Variants in NAV2 observed in about 807,000 individuals in gnomAD.
The protein encoded by NAV2 is neuron navigator 2.
NAV2 carries 54 observed loss-of-function variants against 223.2 expected under a neutral mutation model. That is an observed-to-expected ratio of 0.24 (90% confidence interval 0.19 to 0.30). The LOEUF (loss-of-function observed/expected upper bound fraction) is 0.30. Ranked by LOEUF, NAV2 falls within the 10% of genes least tolerant of loss-of-function variation. NAV2 has a pLI of 1.00. For missense variants in NAV2, 2,806 were observed against 3,147.5 expected (o/e 0.89, Z 2.60); for synonymous variants, 1,279 against 1,239.3 (o/e 1.03, Z -0.67).
At chr11:19,795,380 T>C (rs2152744751) in intron 1 of NAV2, among the ~76,000 whole-genome samples, 1 of 152,346 alleles carries the variant, frequency 6.6e-6, no homozygotes, top group South Asian at 2.1e-4. Context: ...ACCACTTATG[T>C]CCCTTATTTA....
At chr11:19,895,458 G>A (rs1019971860) in intron 6 of NAV2, among the ~76,000 whole-genome samples, 1 of 152,180 alleles carries the variant, frequency 6.6e-6, no homozygotes, top group Admixed American at 6.5e-5. Context: ...CAGAGAGAAT[G>A]AGATTAATAG....
chr11:20,022,504 G>T (rs1281787577), intron 11 of NAV2: 1 of 978,172 alleles, frequency 1.0e-6, no homozygotes, highest in Non-Finnish European at 1.2e-6. Flanking sequence ...GTTGTTAACT[G>T]TACAAACAGG....
At chr11:19,582,353 G>T (rs1265748565) in intron 1 of NAV2, among the ~76,000 whole-genome samples, 1 of 152,146 alleles carries the variant, frequency 6.6e-6, no homozygotes, top group Non-Finnish European at 1.5e-5. Context: ...TTGCTGTGCA[G>T]AAGCTCTTTA....
intron 3 of NAV2, among the ~76,000 whole-genome samples, chr11:19,860,520 G>A (rs2061697212): frequency 6.6e-6 from 1 of 151,240 alleles, no homozygotes; most frequent in South Asian, 2.1e-4. Flanking sequence ...GATGGCGGCT[G>A]GGCAGAGACG....
intron 34 of NAV2, chr11:20,104,177 C>G (rs1240116665): frequency 5.4e-6 from 1 of 185,566 alleles, no homozygotes; most frequent in South Asian, 1.1e-4. Context: ...CGAGTCCCAG[C>G]TGCTGTGACT....
At chr11:19,943,068 G>C (rs1427717695) in intron 8 of NAV2, among the ~76,000 whole-genome samples, 1 of 152,162 alleles carries the variant, frequency 6.6e-6, no homozygotes, top group Non-Finnish European at 1.5e-5. Context: ...AGTAAATATG[G>C]CTATTATATT....
intron 22 of NAV2, among the ~76,000 whole-genome samples, chr11:20,070,930 G>A (rs951496678): frequency 2.0e-5 from 3 of 152,038 alleles, no homozygotes; most frequent in African/African-American, 7.2e-5. Flanking sequence ...CTTCTCAATA[G>A]CAGTCTTCAT....
intron 27 of NAV2, 65 bp from the exon 28 acceptor site, chr11:20,092,141 C>A: frequency 6.6e-7 from 1 of 1,525,398 alleles, no homozygotes; most frequent in Non-Finnish European, 9.0e-7. Flanking sequence ...CAGATCCTTC[C>A]TTCAGAAAAA....
chr11:19,636,723 G>A (rs991761129), intron 1 of NAV2, among the ~76,000 whole-genome samples: 15 of 152,128 alleles, frequency 9.9e-5, no homozygotes, highest in African/African-American at 3.6e-4. Flanking sequence ...ACCCGCCTCG[G>A]CCTCCCACAG....
chr11:19,766,510 C>T (rs912598246), intron 1 of NAV2, among the ~76,000 whole-genome samples: 1 of 152,214 alleles, frequency 6.6e-6, no homozygotes, highest in African/African-American at 2.4e-5. Context: ...AGTGAAGTAG[C>T]TCTCAGAGCC....
At chr11:19,935,315 G>A (rs564133801) in intron 7 of NAV2, among the ~76,000 whole-genome samples, 3 of 152,194 alleles carry the variant, frequency 2.0e-5, no homozygotes, top group African/African-American at 4.8e-5. Flanking sequence ...TGTAACTCAA[G>A]TGCATACAGA....
At chr11:19,349,525 C>CA (rs1853178873), upstream of NAV2, among the ~76,000 whole-genome samples, 3 of 152,178 alleles carry the variant, frequency 2.0e-5, no homozygotes, top group Admixed American at 6.5e-5. Context: ...GCGGCCGGAT[C>CA]TGGCCGCAGC....
chr11:19,351,757 A>T (rs938333261), intron 1 of NAV2, among the ~76,000 whole-genome samples: 87 of 134,838 alleles, frequency 6.5e-4, no homozygotes, highest in African/African-American at 2.4e-3. Context: ...ATTTTTGTTG[A>T]ACTGAAAATA....
At chr11:19,449,479 G>A (rs1219173867) in intron 1 of NAV2, among the ~76,000 whole-genome samples, 1 of 151,970 alleles carries the variant, frequency 6.6e-6, no homozygotes, top group Non-Finnish European at 1.5e-5. Context: ...CCCACAGGGA[G>A]GGCTGCTGTG....
rs577112968 is a variant in NAV2 at position 20,042,169 on chromosome 11, T to C, written c.2908-1812T>C. Among the ~76,000 whole-genome samples, 11 of 152,312 alleles carry C rather than the reference T, an allele frequency of 7.2e-5. No homozygotes were observed. In the East Asian group the frequency reaches 1.7e-3, roughly 24 times the overall value. On this transcript the variant is annotated intron_variant, in intron 12 of 37. Coordinates refer to ENST00000349880, the MANE Select transcript of NAV2 (RefSeq NM_145117.5). ...GAGGAAGGAAACTGACCTGAGGTAG[T>C]TGGGACAAAGAATGGGCAACTTTAG...
At chr11:19,995,375 A>T (rs2153473724) in intron 11 of NAV2, among the ~76,000 whole-genome samples, 1 of 152,338 alleles carries the variant, frequency 6.6e-6, no homozygotes, top group African/African-American at 2.4e-5. Context: ...TTCTTGCCCA[A>T]GGCCCTTCAT....
At position 19,795,464 on chromosome 11, in the gene NAV2, A is replaced by T. The variant is rs80292423; in HGVS notation, c.268-37020A>T. The stretch of plus-strand genomic sequence containing the variant: ...AGGAAACAAAATATTCTAATGGTAA[A>T]TGCAAAAGCAATATTGGGCAAAATA... On this transcript the variant is annotated intron_variant, in intron 1 of 37. Coordinates refer to ENST00000349880, the MANE Select transcript of NAV2 (RefSeq NM_145117.5). Among the ~76,000 whole-genome samples the T allele has an allele frequency of 9.8e-3, 1,491 of 152,376 alleles. 27 individuals carry two copies. The highest frequency in any genetic ancestry group is 0.034 in the African/African-American group (1,429 of 41,592).
At chr11:19,696,486 A>G (rs1032787933) in intron 1 of NAV2, among the ~76,000 whole-genome samples, 10 of 152,216 alleles carry the variant, frequency 6.6e-5, no homozygotes, top group Non-Finnish European at 1.0e-4. Flanking sequence ...CTAGTTTTCC[A>G]GGAGTCAGTA....
At chr11:20,086,392 C>G (rs2060449038) in intron 26 of NAV2, among the ~76,000 whole-genome samples, 1 of 152,148 alleles carries the variant, frequency 6.6e-6, no homozygotes, top group Admixed American at 6.5e-5. Flanking sequence ...TATTTATTTC[C>G]TTAGGTCTCT....
Sources: allele counts gnomAD v4.1 joint callset (sites outside exome capture counted in the v4.1 genomes callset), GRCh38; gene constraint gnomAD v4.1.1; transcripts MANE v1.5; gene names NCBI Gene and HGNC (gene_info 2026-07-23, HGNC 2026-07-21).